Variants in TMEM163 observed in about 807,000 individuals in gnomAD.
The protein encoded by TMEM163 is transmembrane protein 163.
TMEM163 carries 17 observed loss-of-function variants against 29.3 expected under a neutral mutation model. That is an observed-to-expected ratio of 0.58 (90% CI 0.40 to 0.87). The LOEUF (loss-of-function observed/expected upper bound fraction) is 0.87, where lower values mean the gene tolerates loss of function less well. Ranked by LOEUF, TMEM163 falls within the 40% of genes least tolerant of loss-of-function variation. The pLI is 0.00. For missense variants in TMEM163, 303 were observed against 381.5 expected, an observed-to-expected ratio of 0.79 and a Z score of 1.71; for synonymous variants, 157 against 160.6, an observed-to-expected ratio of 0.98 and a Z score of 0.17.
chr2:134,661,182 T>TCTCC (rs1491369122), intron 2 of TMEM163, among the ~76,000 whole-genome samples: 8 of 150,332 alleles, frequency 5.3e-5, no homozygotes, highest in South Asian at 2.1e-4. Flanking sequence ...TCTCTCTCTC[T>TCTCC]CCCATGAGAT....
At chr2:134,466,304 C>A in intron 5 of TMEM163, 79 bp from the exon 6 acceptor site, 1 of 1,197,472 alleles carries the variant, frequency 8.4e-7, no homozygotes, top group South Asian at 1.3e-5. Flanking sequence ...CCTTACAGAT[C>A]AGCCTTGTTC....
intron 5 of TMEM163, among the ~76,000 whole-genome samples, chr2:134,499,946 A>G (rs1213121014): frequency 6.6e-6 from 1 of 152,226 alleles, no homozygotes; most frequent in Non-Finnish European, 1.5e-5. Flanking sequence ...TTTAACCTGC[A>G]TGAAATTATC....
chr2:134,699,706 G>A (rs1247943793), intron 2 of TMEM163, among the ~76,000 whole-genome samples: 1 of 151,958 alleles, frequency 6.6e-6, no homozygotes, highest in East Asian at 1.9e-4. Flanking sequence ...TAGTAAAAGA[G>A]GTGCATTAAA....
chr2:134,538,113 C>T (rs995760023), intron 4 of TMEM163, among the ~76,000 whole-genome samples: 4 of 152,170 alleles, frequency 2.6e-5, no homozygotes, highest in African/African-American at 9.7e-5. Flanking sequence ...TACATGTTTC[C>T]AAAATTTATA....
intron 2 of TMEM163, among the ~76,000 whole-genome samples, chr2:134,595,169 T>C (rs951868191): frequency 1.3e-5 from 2 of 152,012 alleles, no homozygotes; most frequent in African/African-American, 4.8e-5. Flanking sequence ...AACCTGCAGG[T>C]TTGTTACATA....
At chr2:134,646,005 G>T (rs767593343) in intron 2 of TMEM163, among the ~76,000 whole-genome samples, 3 of 151,864 alleles carry the variant, frequency 2.0e-5, no homozygotes, top group Non-Finnish European at 2.9e-5. Flanking sequence ...TTAATATTAT[G>T]ATTTCCTTGT....
At chr2:134,547,183 T>A (rs1680809107) in intron 4 of TMEM163, among the ~76,000 whole-genome samples, 1 of 152,214 alleles carries the variant, frequency 6.6e-6, no homozygotes, top group Non-Finnish European at 1.5e-5. Flanking sequence ...ATGCATTTTA[T>A]GTTATGCGTT....
At chr2:134,649,839 A>C (rs6739706) in intron 2 of TMEM163, among the ~76,000 whole-genome samples, 75,308 of 151,070 alleles carry the variant, frequency 0.5, 19,522 homozygotes, top group Non-Finnish European at 0.56. Flanking sequence ...TGTAGTGAAC[A>C]CTTGCCTCTA....
intron 2 of TMEM163, among the ~76,000 whole-genome samples, chr2:134,574,641 G>A (rs181494891): frequency 3.2e-4 from 49 of 152,308 alleles, no homozygotes; most frequent in African/African-American, 1.1e-3. Context: ...ACTTGTCGGG[G>A]TCTTCCAGTG....
intron 4 of TMEM163, among the ~76,000 whole-genome samples, chr2:134,505,205 C>A (rs561736518): frequency 3.3e-5 from 5 of 150,820 alleles, no homozygotes; most frequent in African/African-American, 4.9e-5. Flanking sequence ...CACTTCCCAG[C>A]ACTGAGAGCA....
intron 2 of TMEM163, among the ~76,000 whole-genome samples, chr2:134,650,700 C>G (rs868078852): frequency 3.6e-5 from 4 of 112,482 alleles, no homozygotes; most frequent in Non-Finnish European, 6.9e-5. Flanking sequence ...CCCCTCCCCC[C>G]ACCCCACCAC....
intron 2 of TMEM163, among the ~76,000 whole-genome samples, chr2:134,618,149 A>C (rs1323098746): frequency 6.6e-6 from 1 of 152,064 alleles, no homozygotes; most frequent in Non-Finnish European, 1.5e-5. Flanking sequence ...AGCTCCAACT[A>C]GATGCTATCT....
At chr2:134,546,405 G>A (rs1265155249) in intron 4 of TMEM163, among the ~76,000 whole-genome samples, 1 of 152,224 alleles carries the variant, frequency 6.6e-6, no homozygotes, top group Non-Finnish European at 1.5e-5. Context: ...CACTTTGAGA[G>A]GTCAAGGCAG....
intron 2 of TMEM163, among the ~76,000 whole-genome samples, chr2:134,569,585 C>T (rs1214050965): frequency 6.6e-6 from 1 of 152,128 alleles, no homozygotes; most frequent in Non-Finnish European, 1.5e-5. Context: ...GTCCCTGGCC[C>T]AGATCGAACC....
chr2:134,650,480 T>C (rs1309527091), intron 2 of TMEM163, among the ~76,000 whole-genome samples: 1 of 150,102 alleles, frequency 6.7e-6, no homozygotes, highest in Admixed American at 6.6e-5. Flanking sequence ...CTTCTTCTTC[T>C]CCTATTTGGA....
chr2:134,531,761 CT>C (rs1680421484), intron 4 of TMEM163, among the ~76,000 whole-genome samples: 1 of 152,200 alleles, frequency 6.6e-6, no homozygotes, highest in South Asian at 2.1e-4. Context: ...TTTTTGAACC[CT>C]GTCATTATGG....
At chr2:134,484,730 T>C (rs1323422480) in intron 5 of TMEM163, among the ~76,000 whole-genome samples, 1 of 152,198 alleles carries the variant, frequency 6.6e-6, no homozygotes, top group East Asian at 1.9e-4. Context: ...AATCTTGATC[T>C]AACCAAAATA....
At chr2:134,485,034 A>G (rs2106480666) in intron 5 of TMEM163, among the ~76,000 whole-genome samples, 1 of 152,370 alleles carries the variant, frequency 6.6e-6, no homozygotes, top group East Asian at 1.9e-4. Context: ...TTCTGGCCGT[A>G]TCAATCAGTT....
At chr2:134,686,625 T>C (rs933717796) in intron 2 of TMEM163, among the ~76,000 whole-genome samples, 3 of 152,208 alleles carry the variant, frequency 2.0e-5, no homozygotes, top group African/African-American at 4.8e-5. Flanking sequence ...CTCATCATGA[T>C]ACAATTTTTA....
Sources: gnomAD v4.1 joint callset for allele counts (sites outside exome capture counted in the v4.1 genomes callset) on GRCh38, gnomAD v4.1.1 for gene constraint, MANE v1.5 for transcripts, NCBI Gene and HGNC (gene_info 2026-07-23, HGNC 2026-07-21) for gene names.